LOC128462377: variants seen among roughly 807,000 people sequenced by gnomAD.
At chr16:89,345,224 C>G in the LOC128462377 span, among the ~76,000 whole-genome samples, 1 of 151,980 alleles carries the variant, frequency 6.6e-6, no homozygotes, top group Non-Finnish European at 1.5e-5. Flanking sequence ...AAAAATGGAG[C>G]GGCAAAAAAA....
chr16:89,368,300 G>A, the LOC128462377 span, among the ~76,000 whole-genome samples: 2 of 148,414 alleles, frequency 1.3e-5, no homozygotes, highest in East Asian at 2.0e-4. Context: ...GGTTACAAGC[G>A]ATTCTCCTGC....
At chr16:89,347,368 G>C in the LOC128462377 span, among the ~76,000 whole-genome samples, 2 of 152,174 alleles carry the variant, frequency 1.3e-5, no homozygotes, top group Non-Finnish European at 2.9e-5. Context: ...CCAGCACTTT[G>C]AGAGGCCAAG....
the LOC128462377 span, among the ~76,000 whole-genome samples, chr16:89,401,599 T>C: frequency 1.3e-5 from 2 of 152,182 alleles, no homozygotes; most frequent in African/African-American, 4.8e-5. Context: ...TTACTGGTGT[T>C]ATGAGTTGAA....
At chr16:89,350,414 G>T in the LOC128462377 span, among the ~76,000 whole-genome samples, 1 of 152,024 alleles carries the variant, frequency 6.6e-6, no homozygotes, top group Non-Finnish European at 1.5e-5. Flanking sequence ...AGGAAACAAC[G>T]GACATGTCTA....
the LOC128462377 span, among the ~76,000 whole-genome samples, chr16:89,348,857 C>T: frequency 8.0e-5 from 12 of 150,244 alleles, no homozygotes; most frequent in South Asian, 1.5e-3. Flanking sequence ...TAAGGGGCTA[C>T]CAGTTTTATT....
the LOC128462377 span, among the ~76,000 whole-genome samples, chr16:89,349,861 A>AACACACAC: frequency 1.8e-4 from 24 of 133,238 alleles, no homozygotes; most frequent in East Asian, 8.6e-4. Context: ...TACTTGTTAA[A>AACACACAC]ACACACACAC....
chr16:89,357,660 G>C, the LOC128462377 span, among the ~76,000 whole-genome samples: 1 of 152,216 alleles, frequency 6.6e-6, no homozygotes, highest in African/African-American at 2.4e-5. Flanking sequence ...TCTGCACACA[G>C]CATAACGCGA....
the LOC128462377 span, among the ~76,000 whole-genome samples, chr16:89,334,169 A>AAAAAC: frequency 5.6e-5 from 6 of 107,290 alleles, 1 homozygote; most frequent in Non-Finnish European, 5.8e-5. Flanking sequence ...AAAAAAAAAA[A>AAAAAC]AAAACAGAGA....
the LOC128462377 span, among the ~76,000 whole-genome samples, chr16:89,384,874 G>GTTTTTTTTTTTTTTTT: frequency 5.5e-5 from 4 of 72,762 alleles, 1 homozygote; most frequent in Admixed American, 3.4e-4. Flanking sequence ...ATGAGAAATA[G>GTTTTTTTTTTTTTTTT]TTTTCTTTTT....
chr16:89,334,629 G>C, the LOC128462377 span, among the ~76,000 whole-genome samples: 5 of 152,110 alleles, frequency 3.3e-5, no homozygotes, highest in African/African-American at 1.2e-4. Context: ...GCAGAGCCCA[G>C]CGCAGTCTCA....
chr16:89,415,845 A>AAAAAAAAAAAAAAAAAC, the LOC128462377 span, among the ~76,000 whole-genome samples: 1 of 146,492 alleles, frequency 6.8e-6, no homozygotes, highest in Non-Finnish European at 1.5e-5. Flanking sequence ...AAAAAAAAAA[A>AAAAAAAAAAAAAAAAAC]AAAAACAATG....
At chr16:89,417,167 T>C in the LOC128462377 span, among the ~76,000 whole-genome samples, 3 of 152,184 alleles carry the variant, frequency 2.0e-5, no homozygotes, top group Non-Finnish European at 4.4e-5. Context: ...AGCAGTCAGG[T>C]GTATTTTAAA....
At chr16:89,384,879 C>CTTTTTTTTTTTTTCTTTTTTTT in the LOC128462377 span, among the ~76,000 whole-genome samples, 2 of 49,910 alleles carry the variant, frequency 4.0e-5, no homozygotes, top group African/African-American at 1.6e-4. Context: ...AAATAGTTTT[C>CTTTTTTTTTTTTTCTTTTTTTT]TTTTTTTTTT....
At chr16:89,330,784 A>G in the LOC128462377 span, among the ~76,000 whole-genome samples, 10 of 151,742 alleles carry the variant, frequency 6.6e-5, no homozygotes, top group East Asian at 1.4e-3. Flanking sequence ...CACACTCTGC[A>G]GAGAACGGTG....
the LOC128462377 span, among the ~76,000 whole-genome samples, chr16:89,347,941 T>C: frequency 1.1e-4 from 17 of 151,680 alleles, no homozygotes; most frequent in Admixed American, 3.9e-4. Flanking sequence ...TGGGATTTTG[T>C]CTTTTTTTTT....
the LOC128462377 span, chr16:89,361,672 C>T: frequency 2.6e-5 from 4 of 152,196 alleles, no homozygotes; most frequent in African/African-American, 7.2e-5. Context: ...GGGAGACCTT[C>T]CACTCCTGCT....
the LOC128462377 span, among the ~76,000 whole-genome samples, chr16:89,376,992 G>T: frequency 1.3e-5 from 2 of 152,204 alleles, no homozygotes; most frequent in Non-Finnish European, 2.9e-5. Flanking sequence ...TTGCAACAAG[G>T]CTGGAAAGAA....
the LOC128462377 span, among the ~76,000 whole-genome samples, chr16:89,417,993 G>A: frequency 1.3e-5 from 2 of 152,220 alleles, no homozygotes; most frequent in African/African-American, 4.8e-5. Flanking sequence ...AAAATTAAAG[G>A]AGGACAAGAG....
the LOC128462377 span, among the ~76,000 whole-genome samples, chr16:89,383,495 G>A: frequency 6.6e-6 from 1 of 152,246 alleles, no homozygotes; most frequent in East Asian, 1.9e-4. Flanking sequence ...AAACCTCGGG[G>A]CCATGTCCAG....
Sources: gnomAD v4.1 joint callset for allele counts (sites outside exome capture counted in the v4.1 genomes callset) on GRCh38, gnomAD v4.1.1 for gene constraint, MANE v1.5 for transcripts.